The following WDR45B variants were observed in gnomAD, a reference collection of about 807,000 sequenced individuals.
The protein encoded by WDR45B is WD repeat domain phosphoinositide-interacting protein 3.
WDR45B carries 20 observed loss-of-function variants against 44.6 expected under a neutral mutation model. The observed-to-expected ratio is 0.45, with a 90% CI of 0.32 to 0.65. The LOEUF (loss-of-function observed/expected upper bound fraction) is 0.65, where lower values mean the gene tolerates loss of function less well. Ranked by LOEUF, WDR45B falls within the 30% of genes least tolerant of loss-of-function variation. WDR45B has a pLI of 0.05. For missense variants in WDR45B, 323 were observed against 430.2 expected (o/e 0.75, Z 2.20); for synonymous variants, 169 against 164.9 (o/e 1.02, Z -0.19).
chr17:82,626,170 G>A (rs1013936891), intron 4 of WDR45B, among the ~76,000 whole-genome samples: 4 of 151,298 alleles, frequency 2.6e-5, no homozygotes, highest in African/African-American at 9.7e-5. Flanking sequence ...CATGAGCCAC[G>A]GTGCCCGGCC....
At chr17:82,638,431 G>A (rs780431154) in intron 2 of WDR45B, among the ~76,000 whole-genome samples, 1 of 151,662 alleles carries the variant, frequency 6.6e-6, no homozygotes, top group Non-Finnish European at 1.5e-5. Context: ...GTCTGTGGGA[G>A]TTACCGGCCA....
intron 5 of WDR45B, among the ~76,000 whole-genome samples, chr17:82,623,702 TAA>T (rs34801109): frequency 5.3e-5 from 7 of 131,518 alleles, no homozygotes; most frequent in Admixed American, 7.7e-5. Context: ...CATCTCATAT[TAA>T]AAAAAAAAAA....
chr17:82,641,142 TTTGTAG>T (rs1456727530), intron 2 of WDR45B, among the ~76,000 whole-genome samples: 1 of 152,032 alleles, frequency 6.6e-6, no homozygotes, highest in Non-Finnish European at 1.5e-5. Context: ...ACTTTTTGTA[TTTGTAG>T]TAGAGATGGG....
chr17:82,625,518 C>G (rs767999350), intron 4 of WDR45B, 35 bp from the exon 5 acceptor site: 1 of 1,599,318 alleles, frequency 6.3e-7, no homozygotes, highest in Non-Finnish European at 8.6e-7. Flanking sequence ...TTGCTTTCCT[C>G]AAGAGTCAAA....
chr17:82,629,583 AC>A lies in WDR45B; in HGVS notation c.244+1337del, dbSNP rs1246266202. The A allele has an allele frequency of 1.4e-5, 14 of 985,336 alleles. No homozygotes were observed. The African/African-American group carries it at 2.3e-4, about 16-fold the overall frequency. The allele number at this position is 985,336 out of a possible 1,614,324, so 61.0% of individuals were successfully genotyped here. ...GCCAAGATCTCAAGCCCTGTCTTCC[AC>A]TGTTTTTCCTACCGATAATCTCTTC... On this transcript the variant is annotated intron_variant, in intron 3 of 9. Transcript: ENST00000392325.
Position 82,619,060 on chromosome 17 carries a change from T to C in WDR45B, c.687A>G (p.Gln229=). 3 of 1,614,122 alleles carry C rather than the reference T, an allele frequency of 1.9e-6. No individual in the cohort carries two copies. Among genetic ancestry groups the C allele is most frequent in the East Asian group, 2.2e-5 (1 of 44,876 alleles). Residue 229 remains glutamine (Q), a synonymous_variant, in exon 7 of 10, where the codon CAA becomes CAG. Coordinates refer to ENST00000392325, the MANE Select transcript of WDR45B (RefSeq NM_019613.4). The part of the protein sequence containing the change: ...HLIQELRRGS[Q]AANIYCINFN... ...GCCCTTACCAGTAAATATTGGCTGCTTGAGATCCTCTTCGCAGTTCCTGGA... is the reference window on the plus strand; with the variant it reads ...GCCCTTACCAGTAAATATTGGCTGCCTGAGATCCTCTTCGCAGTTCCTGGA...
intron 3 of WDR45B, among the ~76,000 whole-genome samples, 180 bp from the exon 4 acceptor site, chr17:82,627,471 C>G (rs992292375): frequency 6.6e-6 from 1 of 152,232 alleles, no homozygotes; most frequent in African/African-American, 2.4e-5. Flanking sequence ...AAACCGTGAG[C>G]TGTGCCAGGG....
chr17:82,616,424 G>C, intron 9 of WDR45B, 100 bp downstream of exon 9: 1 of 1,590,540 alleles, frequency 6.3e-7, no homozygotes, highest in Non-Finnish European at 8.6e-7. Flanking sequence ...CGGTGCCACA[G>C]CGCGGTGCTG....
chr17:82,620,434 AAAAACAAAAC>A (rs57027645), intron 6 of WDR45B, among the ~76,000 whole-genome samples: 2 of 151,706 alleles, frequency 1.3e-5, no homozygotes, highest in Non-Finnish European at 1.5e-5. Context: ...CTCAATCTCA[AAAAACAAAAC>A]AAAACAAAAC....
intron 2 of WDR45B, among the ~76,000 whole-genome samples, chr17:82,633,785 C>T (rs2045798550): frequency 6.6e-6 from 1 of 152,134 alleles, no homozygotes; most frequent in Admixed American, 6.5e-5. Flanking sequence ...GAGGCCAAGG[C>T]AGGATGATGA....
At chr17:82,628,670 C>G (rs1270688553) in intron 3 of WDR45B, among the ~76,000 whole-genome samples, 2 of 152,042 alleles carry the variant, frequency 1.3e-5, no homozygotes, top group East Asian at 1.9e-4. Context: ...GCACTCCAAG[C>G]TGGGCAACAG....
chr17:82,617,492 A>G lies in WDR45B; in HGVS notation c.705-95T>C, dbSNP rs960360387. ...ACTTGTCGACACTGTGGAACACCTC[A>G]ACATTCCCACTCTGGAGGTGCCAAT... On this transcript the variant is annotated intron_variant, in intron 7 of 9. Transcript: ENST00000392325. 2.3e-5 allele frequency: 28 copies of G among 1,239,734 alleles called. 1 individual carries two copies. The African/African-American group carries it at 3.3e-4, about 14-fold the overall frequency. 76.8% of individuals were successfully genotyped at this position (1,239,734 alleles called of 1,614,324 possible).
At chr17:82,646,125 G>GAA (rs370265408) in intron 1 of WDR45B, among the ~76,000 whole-genome samples, 1 of 111,812 alleles carries the variant, frequency 8.9e-6, no homozygotes, top group Non-Finnish European at 2.0e-5. Context: ...CTCGGAAAAA[G>GAA]AAAAAAAAAA....
rs1397843793 is a variant in WDR45B at position 82,648,143 on chromosome 17, G to C, written c.67+131C>G. 1.8e-5 allele frequency: 19 copies of C among 1,084,550 alleles called. No individual in the cohort carries two copies. In the African/African-American group the frequency reaches 3.2e-4, roughly 18 times the overall value. The allele number at this position is 1,084,550 out of a possible 1,614,324, so 67.2% of individuals were successfully genotyped here. ...CCGGGGCCGGGGGCTTCGGAGGGGA[G>C]CTCGGGCGGGGCCGGGGTCCCGGGT... On this transcript the variant is annotated intron_variant, in intron 1 of 9. Transcript: ENST00000392325.
intron 5 of WDR45B, among the ~76,000 whole-genome samples, chr17:82,624,042 G>A (rs1370301986): frequency 1.3e-5 from 2 of 152,054 alleles, no homozygotes; most frequent in Non-Finnish European, 2.9e-5. Context: ...GGTTGTGACC[G>A]GGCAGTCGAA....
chr17:82,616,184 C>T (rs2045532329), intron 9 of WDR45B, among the ~76,000 whole-genome samples, 159 bp from the exon 10 acceptor site: 1 of 152,204 alleles, frequency 6.6e-6, no homozygotes. Context: ...GTTCGGTCGG[C>T]ACCGTGGCCG....
chr17:82,626,732 C>T (rs2045703640), intron 4 of WDR45B: 1 of 212,084 alleles, frequency 4.7e-6, no homozygotes, highest in African/African-American at 2.3e-5. Context: ...CTTCCATATT[C>T]CCCCTAAACG....
In WDR45B at chr17:82,621,781, G is replaced by T; in HGVS notation, c.446C>A (p.Pro149His). The T allele has an allele frequency of 6.2e-7, 1 of 1,614,106 alleles. No individual in the cohort carries two copies. The highest frequency in any genetic ancestry group is 1.1e-5 in the South Asian group (1 of 91,074). The change falls in exon 6 of 10, where the codon CCC (proline) becomes CAC (histidine). Residue 149 changes from proline (P) to histidine (H), a missense_variant. Transcript: ENST00000392325. ...GGCCAGGAGGGAGTTGTTACTATTG[G>T]GACAAAGGACACAGAGGCCTGCGTG... Reference protein sequence around the residue: ...YNPKGLCVLCPNSNNSLLAFP... With the variant: ...YNPKGLCVLCHNSNNSLLAFP...
chr17:82,647,154 G>GGGA (rs1233886935), intron 1 of WDR45B, among the ~76,000 whole-genome samples: 1 of 152,126 alleles, frequency 6.6e-6, no homozygotes, highest in Non-Finnish European at 1.5e-5. Context: ...GCGTGAACCC[G>GGGA]GGAGGAGGAG....
Sources: allele counts gnomAD v4.1 joint callset (sites outside exome capture counted in the v4.1 genomes callset), GRCh38; gene constraint gnomAD v4.1.1; transcripts MANE v1.5; gene names NCBI Gene and HGNC (gene_info 2026-07-23, HGNC 2026-07-21).